Variants in PPP3CA observed in about 807,000 individuals in gnomAD.
The protein encoded by PPP3CA is CAM-PRP catalytic subunit.
A neutral mutation model predicts 66.5 loss-of-function variants in PPP3CA; 14 were observed. The ratio of observed to expected loss-of-function variants is 0.21; its 90% CI spans 0.14 to 0.33. PPP3CA has a LOEUF of 0.33. Among genes scored for constraint, PPP3CA ranks in the 10% least tolerant of loss-of-function variants. PPP3CA has a pLI of 1.00. For synonymous variants in PPP3CA, 232 were observed against 226.2 expected (o/e 1.03, Z -0.23); for missense variants, 317 against 639.5 (o/e 0.50, Z 5.44).
chr4:101,309,043 C>T (rs1269522631), intron 1 of PPP3CA, among the ~76,000 whole-genome samples: 1 of 152,112 alleles, frequency 6.6e-6, no homozygotes, highest in East Asian at 1.9e-4. Flanking sequence ...AGAAGAATCA[C>T]TTAAGCCTAG....
At position 101,346,854 on chromosome 4, in the gene PPP3CA, C is replaced by A. The variant is rs931904590; in HGVS notation, c.-58G>T. ...CGTCCGTCCGACTGCACACCCCGAC[C>A]GGACCGGCGGGCCAGACACTCAACG... On this transcript the variant is annotated 5_prime_UTR_variant, in exon 1 of 14. Transcript: ENST00000394854. The A allele has an allele frequency of 8.3e-6, 13 of 1,573,054 alleles. No homozygotes were observed. Among genetic ancestry groups the A allele is most frequent in the African/African-American group, 8.2e-5 (6 of 73,194 alleles).
chr4:101,344,842 C>T (rs1052362723), intron 1 of PPP3CA, among the ~76,000 whole-genome samples: 1 of 152,088 alleles, frequency 6.6e-6, no homozygotes, highest in African/African-American at 2.4e-5. Flanking sequence ...TTTTTAATTG[C>T]CAACACGTTC....
At position 101,211,951 on chromosome 4, in the gene PPP3CA, C is replaced by A. The variant is rs537254862; in HGVS notation, c.59-15835G>T. Among the ~76,000 whole-genome samples, 109 of 152,256 alleles carry A rather than the reference C, an allele frequency of 7.2e-4. 1 individual carries two copies. The South Asian group carries it at 0.011, about 15-fold the overall frequency. On this transcript the variant is annotated intron_variant, in intron 1 of 13. Transcript: ENST00000394854. ...GAGAAAATTTTTAAGAAACCAGTTTCATCACCTGTAGAATGGAGACAGTAA... is the reference window on the plus strand; with the variant it reads ...GAGAAAATTTTTAAGAAACCAGTTTAATCACCTGTAGAATGGAGACAGTAA...
At chr4:101,270,725 G>T (rs1273201501) in intron 1 of PPP3CA, among the ~76,000 whole-genome samples, 1 of 152,024 alleles carries the variant, frequency 6.6e-6, no homozygotes, top group African/African-American at 2.4e-5. Context: ...ATTTACAGGT[G>T]GGCTAGTGAA....
chr4:101,137,329 G>T (rs1206455837), intron 2 of PPP3CA, among the ~76,000 whole-genome samples: 1 of 152,022 alleles, frequency 6.6e-6, no homozygotes, highest in Non-Finnish European at 1.5e-5. Context: ...GGAGTAGTAG[G>T]GAATCTGACT....
rs78095832 is a variant in PPP3CA, at chr4:101,031,076, AACTC to A, written c.1339+1187_1339+1190del. On this transcript the variant is annotated intron_variant, in intron 12 of 13. Coordinates refer to ENST00000394854, the MANE Select transcript of PPP3CA (RefSeq NM_000944.5). ...TTAAAAATTTTTGTCTTTTTGTAAAAACTCAAAAGACACTGATTCGGAATATATT... is the reference window on the plus strand; with the variant it reads ...TTAAAAATTTTTGTCTTTTTGTAAAAAAAAGACACTGATTCGGAATATATT... Among the ~76,000 whole-genome samples the A allele has an allele frequency of 2.8e-3, 356 of 127,108 alleles. 1 individual carries two copies. The highest frequency in any genetic ancestry group is 9.0e-3 in the African/African-American group (349 of 38,956). The allele number at this position is 127,108 out of a possible 152,430, so 83.4% of individuals were successfully genotyped here.
intron 1 of PPP3CA, among the ~76,000 whole-genome samples, chr4:101,344,056 CT>C (rs1379981982): frequency 1.3e-5 from 2 of 151,922 alleles, no homozygotes; most frequent in Non-Finnish European, 2.9e-5. Flanking sequence ...AAAGAGAAAA[CT>C]TATGGAGCAC....
At chr4:101,330,208 A>C in intron 1 of PPP3CA, 1 of 401,506 alleles carries the variant, frequency 2.5e-6, no homozygotes, top group Non-Finnish European at 4.9e-6. Flanking sequence ...CAGAGGAGGG[A>C]GTAACTGCAT....
Position 101,039,781 on chromosome 4 carries a change from T to C in PPP3CA, c.1241+701A>G, listed in dbSNP as rs573646942. Among the ~76,000 whole-genome samples, 4 of 144,618 alleles carry C rather than the reference T, an allele frequency of 2.8e-5. 1 individual carries two copies. The highest frequency in any genetic ancestry group is 1.0e-4 in the African/African-American group (4 of 39,802). The allele number at this position is 144,618 out of a possible 152,430, so 94.9% of individuals were successfully genotyped here. On this transcript the variant is annotated intron_variant, in intron 11 of 13. Transcript: ENST00000394854. ...TTAAATTATCCAATTGTAGATGTAA[T>C]ATTTCCCAAGGTGTTCCTATTTACT... is the stretch of plus-strand genomic sequence containing the variant.
At chr4:101,122,164 A>G (rs773940124) in intron 2 of PPP3CA, among the ~76,000 whole-genome samples, 9 of 152,132 alleles carry the variant, frequency 5.9e-5, no homozygotes, top group Non-Finnish European at 8.8e-5. Context: ...GTTTCATGAG[A>G]AAGTAATTTT....
chr4:101,134,492 C>T (rs1722552055), intron 2 of PPP3CA, among the ~76,000 whole-genome samples: 1 of 152,186 alleles, frequency 6.6e-6, no homozygotes, highest in Non-Finnish European at 1.5e-5. Context: ...AGCACATTAT[C>T]ACTGGTCATT....
At chr4:101,134,622 CTGTTGGTGGGAA>C (rs1722555541) in intron 2 of PPP3CA, among the ~76,000 whole-genome samples, 1 of 152,184 alleles carries the variant, frequency 6.6e-6, no homozygotes, top group African/African-American at 2.4e-5. Context: ...AGATTTTGCA[CTGTTGGTGGGAA>C]TGTAAATTAG....
intron 2 of PPP3CA, among the ~76,000 whole-genome samples, chr4:101,174,231 T>C (rs1560640687): frequency 6.6e-6 from 1 of 152,208 alleles, no homozygotes; most frequent in African/African-American, 2.4e-5. Flanking sequence ...TATGTTTTTA[T>C]CAATAAGATT....
At chr4:101,059,216 T>C (rs1052610647) in intron 10 of PPP3CA, among the ~76,000 whole-genome samples, 1 of 152,100 alleles carries the variant, frequency 6.6e-6, no homozygotes, top group Non-Finnish European at 1.5e-5. Flanking sequence ...ATATGAAACA[T>C]CTAGAATTTA....
chr4:101,086,958 T>C (rs188352629), intron 6 of PPP3CA, among the ~76,000 whole-genome samples: 19 of 152,340 alleles, frequency 1.2e-4, no homozygotes, highest in Non-Finnish European at 2.6e-4. Context: ...CCTCCCTCAG[T>C]GCTTTGGCAA....
intron 7 of PPP3CA, 103 bp from the exon 8 acceptor site, chr4:101,080,729 T>C (rs912990594): frequency 3.6e-6 from 2 of 555,842 alleles, no homozygotes; most frequent in Admixed American, 3.6e-5. Flanking sequence ...GTTCCATCAT[T>C]CAAAGGGCCT....
intron 2 of PPP3CA, among the ~76,000 whole-genome samples, chr4:101,159,579 A>C (rs2695215): frequency 0.53 from 80,246 of 152,006 alleles, 23,206 homozygotes; most frequent in African/African-American, 0.76. Context: ...CTGGTGTCAA[A>C]AGAAAGACAG....
chr4:101,311,492 C>G (rs1194858981), intron 1 of PPP3CA, among the ~76,000 whole-genome samples: 1 of 152,168 alleles, frequency 6.6e-6, no homozygotes, highest in Non-Finnish European at 1.5e-5. Context: ...TAAGATACCA[C>G]CTCTTGGCCA....
At chr4:101,032,978 C>T (rs977174628) in intron 11 of PPP3CA, among the ~76,000 whole-genome samples, 9 of 151,928 alleles carry the variant, frequency 5.9e-5, no homozygotes, top group African/African-American at 9.7e-5. Context: ...AGTCACTTTC[C>T]CCACTGATTT....
Sources: gnomAD v4.1 joint callset for allele counts (sites outside exome capture counted in the v4.1 genomes callset) on GRCh38, gnomAD v4.1.1 for gene constraint, MANE v1.5 for transcripts, NCBI Gene and HGNC (gene_info 2026-07-23, HGNC 2026-07-21) for gene names.